PHF19: variants seen among roughly 807,000 people sequenced by gnomAD.
PHF19 encodes the protein PHD finger protein 19.
In PHF19, 21 loss-of-function variants were observed where a neutral mutation model predicts 79.8. The observed-to-expected ratio is 0.26, with a 90% confidence interval of 0.19 to 0.38. PHF19 has a LOEUF of 0.38. PHF19 is among the 10% of genes least tolerant of loss of function. PHF19 has a pLI of 1.00. For missense variants in PHF19, 445 were observed against 744.2 expected (o/e 0.60, Z 4.68); for synonymous variants, 273 against 296.3 (o/e 0.92, Z 0.81).
chr9:120,894,544 T>C (rs1362621451), intron 1 of PHF19, among the ~76,000 whole-genome samples: 1 of 152,034 alleles, frequency 6.6e-6, no homozygotes, highest in African/African-American at 2.4e-5. Context: ...CTCGTCTGCT[T>C]TGGCCGCGCT....
chr9:120,869,972 G>A lies in PHF19; in HGVS notation c.365-27C>T, dbSNP rs772765669. Reference sequence around the variant, plus strand: ...TACGGCAGAGGAGGGGGCGGTGAGCGCCCACAAGGACATCGTGGCCCAAGG... The same window carrying A: ...TACGGCAGAGGAGGGGGCGGTGAGCACCCACAAGGACATCGTGGCCCAAGG... On this transcript the variant is annotated intron_variant, in intron 4 of 14. Coordinates refer to ENST00000373896, the MANE Select transcript of PHF19 (RefSeq NM_015651.3). This position sits in a 1 kb window ranked among gnomAD's most constrained non-coding sequence, Gnocchi z 5.8. The A allele has an allele frequency of 2.1e-5, 32 of 1,551,006 alleles. 1 individual carries two copies. In the South Asian group the frequency reaches 2.6e-4, roughly 13 times the overall value.
chr9:120,858,811 T>TCACACACACACACTCA (rs1554816155), intron 14 of PHF19, among the ~76,000 whole-genome samples: 13 of 122,802 alleles, frequency 1.1e-4, no homozygotes, highest in Non-Finnish European at 1.9e-4. Flanking sequence ...CTGACAGACA[T>TCACACACACACACTCA]CACACACACA....
At chr9:120,888,195 T>C (rs10818483) in intron 1 of PHF19, among the ~76,000 whole-genome samples, 104,174 of 152,098 alleles carry the variant, frequency 0.68, 35,943 homozygotes, top group Middle Eastern at 0.8. Context: ...AGGCTGGTCT[T>C]GAACTCCTGA....
Position 120,866,138 on chromosome 9 carries a change from CTG to C in PHF19, c.711-44_711-43del. The C allele has an allele frequency of 7.3e-7, 1 of 1,366,996 alleles. No individual in the cohort carries two copies. The highest frequency in any genetic ancestry group is 1.0e-6 in the Non-Finnish European group (1 of 954,878). 84.7% of individuals were successfully genotyped at this position (1,366,996 alleles called of 1,614,324 possible). A position where few individuals can be genotyped will look rare whatever the true frequency, so the allele number is the denominator to read the frequency against. Reference sequence around the variant, plus strand: ...ACGGGGGCCTATGGTGGGAGGGGCTCTGACACCCCCACCCCAGTCCAGCCCCT... The same window carrying C: ...ACGGGGGCCTATGGTGGGAGGGGCTCACACCCCCACCCCAGTCCAGCCCCT... On this transcript the variant is annotated intron_variant, in intron 7 of 14. Transcript: ENST00000373896. This position sits in a 1 kb window ranked among gnomAD's most constrained non-coding sequence, Gnocchi z 5.2.
chr9:120,900,148 A>G, the PHF19 span, among the ~76,000 whole-genome samples: 1 of 151,902 alleles, frequency 6.6e-6, no homozygotes, highest in South Asian at 2.1e-4. Flanking sequence ...CACCATGCCC[A>G]GTTAAGTTTT....
chr9:120,894,880 A>G (rs1048984979), exon 1 of PHF19: 1 of 992,984 alleles, frequency 1.0e-6, no homozygotes, highest in East Asian at 3.3e-5. Flanking sequence ...TGAATGCTAA[A>G]TACACGACTT....
In PHF19 at chr9:120,866,991, A is replaced by G. The variant is rs751002124; in HGVS notation, c.615-26T>C. 2.2e-6 allele frequency: 3 copies of G among 1,382,978 alleles called. No individual in the cohort carries two copies. Among genetic ancestry groups the G allele is most frequent in the South Asian group, 1.2e-5 (1 of 86,554 alleles). 85.7% of individuals were successfully genotyped at this position (1,382,978 alleles called of 1,614,324 possible). A position where few individuals can be genotyped will look rare whatever the true frequency, so the allele number is the denominator to read the frequency against. ...CTGGAGAGACAGAGGAGCCAAGGTCAGCCAGGACCACACCCCCAGTCAGGT... is the reference window on the plus strand; with the variant it reads ...CTGGAGAGACAGAGGAGCCAAGGTCGGCCAGGACCACACCCCCAGTCAGGT... On this transcript the variant is annotated intron_variant, in intron 6 of 14. Transcript: ENST00000373896. The surrounding 1 kb of genome is among the most constrained non-coding windows in gnomAD (Gnocchi z 5.2).
Position 120,877,114 on chromosome 9 carries a change from C to T in PHF19, c.-39G>A. The T allele has an allele frequency of 1.0e-6, 1 of 985,230 alleles. No individual in the cohort carries two copies. Among genetic ancestry groups the T allele is most frequent in the Non-Finnish European group, 1.2e-6 (1 of 829,886 alleles). 61.0% of individuals were successfully genotyped at this position (985,230 alleles called of 1,614,324 possible). A position where few individuals can be genotyped will look rare whatever the true frequency, so the allele number is the denominator to read the frequency against. ...ACCGCGAGGCTGCGTGTCCGCCGGTCCCACTTGGAGTCTGGCCACCAGGCG... is the reference window on the plus strand; with the variant it reads ...ACCGCGAGGCTGCGTGTCCGCCGGTTCCACTTGGAGTCTGGCCACCAGGCG... On this transcript the variant is annotated 5_prime_UTR_variant, in exon 1 of 15. Transcript: ENST00000373896.
chr9:120,862,691 C>T lies in PHF19; in HGVS notation c.1027G>A (p.Val343Ile), dbSNP rs745821586. 8.7e-6 allele frequency: 14 copies of T among 1,614,180 alleles called. No individual in the cohort carries two copies. Among genetic ancestry groups the T allele is most frequent in the South Asian group, 3.3e-5 (3 of 91,088 alleles). Residue 343 changes from valine (V) to isoleucine (I), a missense_variant, in exon 11 of 15, where the codon GTC (valine) becomes ATC (isoleucine). By Grantham distance (29) the Val-to-Ile change is conservative. Transcript: ENST00000373896. The surrounding 1 kb of genome is among the most constrained non-coding windows in gnomAD (Gnocchi z 4.6). Reference sequence around the variant, plus strand: ...AGCTTCCCTGGCGGGTTGGGTGGGACGCGGATGCGCAGGCGGAAGATGCAC... The same window carrying T: ...AGCTTCCCTGGCGGGTTGGGTGGGATGCGGATGCGCAGGCGGAAGATGCAC... ...KKCIFRLRIR[V>I]PPNPPGKLLP...
At chr9:120,899,596 C>T (rs1296010179), upstream of PHF19, among the ~76,000 whole-genome samples, 1 of 152,154 alleles carries the variant, frequency 6.6e-6, no homozygotes, top group Non-Finnish European at 1.5e-5. Flanking sequence ...CTTACGACAA[C>T]ATGGTGAAGT....
Position 120,874,132 on chromosome 9 carries a change from C to A in PHF19, c.187-72G>T. 1.2e-6 allele frequency: 1 copy of A among 811,114 alleles called. No homozygotes were observed. Among genetic ancestry groups the A allele is most frequent in the South Asian group, 1.5e-5 (1 of 65,940 alleles). The allele number at this position is 811,114 out of a possible 1,614,324, so 50.2% of individuals were successfully genotyped here. ...GCCAACCTGGAACATAGTCTTCCTCCCCCATTTTTGTCTCCGTATGTTCCA... is the reference window on the plus strand; with the variant it reads ...GCCAACCTGGAACATAGTCTTCCTCACCCATTTTTGTCTCCGTATGTTCCA... On this transcript the variant is annotated intron_variant, in intron 2 of 14. Coordinates refer to ENST00000373896, the MANE Select transcript of PHF19 (RefSeq NM_015651.3). The surrounding 1 kb of genome is among the most constrained non-coding windows in gnomAD (Gnocchi z 4.5).
intron 1 of PHF19, among the ~76,000 whole-genome samples, chr9:120,885,450 C>T (rs1011404280): frequency 1.3e-5 from 2 of 151,986 alleles, no homozygotes; most frequent in African/African-American, 2.4e-5. Context: ...TGGTGATGTG[C>T]GCCTGTAATC....
chr9:120,875,027 C>T, intron 1 of PHF19, among the ~76,000 whole-genome samples: 1 of 152,224 alleles, frequency 6.6e-6, no homozygotes. Flanking sequence ...GAATGGATCT[C>T]TCAACCCACA....
At chr9:120,873,042 C>T (rs2131555011) in intron 3 of PHF19, among the ~76,000 whole-genome samples, 1 of 152,336 alleles carries the variant, frequency 6.6e-6, no homozygotes, top group Middle Eastern at 3.4e-3. Flanking sequence ...TCACTATCAC[C>T]TCTCACATGA....
At chr9:120,867,031 C>A in intron 6 of PHF19, 66 bp from the exon 7 acceptor site, 2 of 918,704 alleles carry the variant, frequency 2.2e-6, no homozygotes, top group Non-Finnish European at 1.8e-6. Context: ...GCTTCGGCAA[C>A]CTTTCCCAAG....
In PHF19 at chr9:120,862,984, G is replaced by A; in HGVS notation, c.969-235C>T. On this transcript the variant is annotated intron_variant, in intron 10 of 14. Transcript: ENST00000373896. This position sits in a 1 kb window ranked among gnomAD's most constrained non-coding sequence, Gnocchi z 4.6. ...TTCCTCCTGCATGAGTGTGGTTCTT[G>A]CTGCTCTTCTCCCTTTTGTTTGCCT... 3.8e-6 allele frequency: 2 copies of A among 521,028 alleles called. No homozygotes were observed. Among genetic ancestry groups the A allele is most frequent in the Non-Finnish European group, 6.9e-6 (2 of 289,002 alleles). The allele number at this position is 521,028 out of a possible 1,614,324, so 32.3% of individuals were successfully genotyped here. A position where few individuals can be genotyped will look rare whatever the true frequency, so the allele number is the denominator to read the frequency against.
At chr9:120,903,438 G>A in the PHF19 span, 1 of 152,330 alleles carries the variant, frequency 6.6e-6, no homozygotes, top group Admixed American at 6.5e-5. Flanking sequence ...GCCGTGCCAC[G>A]ATGCTCCGTC....
chr9:120,893,124 T>G (rs1457123084), intron 1 of PHF19, among the ~76,000 whole-genome samples: 10 of 152,196 alleles, frequency 6.6e-5, no homozygotes, highest in Non-Finnish European at 1.5e-4. Flanking sequence ...AGGCACTTAA[T>G]AAGTGGCAGC....
upstream of PHF19, chr9:120,877,444 C>T (rs1290436420): frequency 4.1e-5 from 31 of 747,478 alleles, no homozygotes; most frequent in African/African-American, 5.9e-4. Flanking sequence ...CCCGCCCGCC[C>T]CCGCCCGCCC....
Sources: allele counts gnomAD v4.1 joint callset (sites outside exome capture counted in the v4.1 genomes callset), GRCh38; gene constraint gnomAD v4.1.1; non-coding constraint Gnocchi (gnomAD v3.1); transcripts MANE v1.5; gene names NCBI Gene and HGNC (gene_info 2026-07-23, HGNC 2026-07-21).